RPSA2: variants seen among roughly 807,000 people sequenced by gnomAD.
RPSA2 encodes the protein ribosomal protein SA 2, also known as small ribosomal subunit protein uS2B.
the RPSA2 span, among the ~76,000 whole-genome samples, chr19:23,784,887 CTT>C: frequency 1.3e-5 from 2 of 152,202 alleles, no homozygotes; most frequent in East Asian, 1.9e-4. Flanking sequence ...TTTTGGCTCT[CTT>C]GCAAAAATTC....
the RPSA2 span, among the ~76,000 whole-genome samples, chr19:23,778,839 G>T: frequency 9.9e-5 from 15 of 151,792 alleles, no homozygotes; most frequent in African/African-American, 3.4e-4. Context: ...CAATTTGGGC[G>T]ACTGTGTCAT....
chr19:23,840,641 G>C, the RPSA2 span, among the ~76,000 whole-genome samples: 3 of 152,134 alleles, frequency 2.0e-5, no homozygotes, highest in African/African-American at 7.2e-5. Context: ...TAAAGAGAGA[G>C]TATTTAGATA....
the RPSA2 span, among the ~76,000 whole-genome samples, chr19:23,857,462 A>G: frequency 2.4e-4 from 33 of 137,588 alleles, 1 homozygote; most frequent in Admixed American, 2.3e-3. Flanking sequence ...TTTAAAATCT[A>G]TATTTTGAAG....
chr19:23,830,978 G>A, the RPSA2 span, among the ~76,000 whole-genome samples: 9 of 152,064 alleles, frequency 5.9e-5, no homozygotes, highest in South Asian at 2.1e-4. Flanking sequence ...CTTAGGATAT[G>A]TGCTGTCTGA....
At chr19:23,847,405 A>G in the RPSA2 span, among the ~76,000 whole-genome samples, 1 of 152,210 alleles carries the variant, frequency 6.6e-6, no homozygotes. Context: ...AAAGAGAAAG[A>G]GTACAAAGAG....
At chr19:23,866,813 A>T in the RPSA2 span, among the ~76,000 whole-genome samples, 1 of 152,108 alleles carries the variant, frequency 6.6e-6, no homozygotes, top group Non-Finnish European at 1.5e-5. Flanking sequence ...GGAGAAGACA[A>T]ACCTTCCAAA....
chr19:23,842,335 A>C, the RPSA2 span, among the ~76,000 whole-genome samples: 9 of 152,236 alleles, frequency 5.9e-5, no homozygotes, highest in Non-Finnish European at 1.2e-4. Flanking sequence ...AAACTATAGT[A>C]ATTACACTGG....
At chr19:23,862,016 A>T in the RPSA2 span, among the ~76,000 whole-genome samples, 1 of 151,972 alleles carries the variant, frequency 6.6e-6, no homozygotes, top group Non-Finnish European at 1.5e-5. Flanking sequence ...TGAGCATGGA[A>T]TGTTCTTCCA....
the RPSA2 span, among the ~76,000 whole-genome samples, chr19:23,867,328 C>T: frequency 2.6e-5 from 4 of 152,200 alleles, no homozygotes. Context: ...GATGGACAAT[C>T]ATGTACTTTC....
At chr19:23,868,949 C>T in the RPSA2 span, among the ~76,000 whole-genome samples, 6 of 152,102 alleles carry the variant, frequency 3.9e-5, no homozygotes, top group South Asian at 8.3e-4. Flanking sequence ...GGGGGACACT[C>T]AAGAAAACCA....
chr19:23,811,822 T>C, the RPSA2 span, among the ~76,000 whole-genome samples: 7 of 86,930 alleles, frequency 8.1e-5, no homozygotes, highest in Non-Finnish European at 1.6e-4. Flanking sequence ...TAAGGTATTA[T>C]TTGCTTCTAT....
At chr19:23,847,236 C>T in the RPSA2 span, among the ~76,000 whole-genome samples, 5 of 151,176 alleles carry the variant, frequency 3.3e-5, no homozygotes, top group African/African-American at 2.4e-5. Context: ...GGATGTCTAT[C>T]TCCTTGGCAC....
At chr19:23,836,482 T>C in the RPSA2 span, among the ~76,000 whole-genome samples, 3 of 152,310 alleles carry the variant, frequency 2.0e-5, no homozygotes, top group South Asian at 6.2e-4. Context: ...GAAATATGCA[T>C]GTGCAAGTAT....
chr19:23,833,728 G>A, the RPSA2 span, among the ~76,000 whole-genome samples: 1 of 152,062 alleles, frequency 6.6e-6, no homozygotes. Flanking sequence ...GCATAAAAGT[G>A]TAATTACTGT....
At chr19:23,865,284 GT>G in the RPSA2 span, among the ~76,000 whole-genome samples, 1 of 152,184 alleles carries the variant, frequency 6.6e-6, no homozygotes, top group Admixed American at 6.5e-5. Flanking sequence ...GCCTAAAGTT[GT>G]GTTGAAACAG....
At chr19:23,813,424 T>C in the RPSA2 span, among the ~76,000 whole-genome samples, 1 of 152,054 alleles carries the variant, frequency 6.6e-6, no homozygotes, top group Non-Finnish European at 1.5e-5. Context: ...AGTGTGACTA[T>C]TTTATATATC....
the RPSA2 span, among the ~76,000 whole-genome samples, chr19:23,869,020 C>G: frequency 3.9e-5 from 6 of 152,182 alleles, no homozygotes; most frequent in Admixed American, 2.0e-4. Flanking sequence ...ATTCCATGTT[C>G]TTGGCCATGT....
the RPSA2 span, among the ~76,000 whole-genome samples, chr19:23,815,372 G>T: frequency 1.2e-4 from 10 of 83,768 alleles, no homozygotes; most frequent in South Asian, 2.6e-3. Context: ...GGTCATGGGA[G>T]CAAAGTCTTC....
At chr19:23,851,715 A>C in the RPSA2 span, among the ~76,000 whole-genome samples, 1 of 152,228 alleles carries the variant, frequency 6.6e-6, no homozygotes, top group Non-Finnish European at 1.5e-5. Flanking sequence ...CCACATAACC[A>C]GCATTTCCGT....
Sources: gnomAD v4.1 joint callset for allele counts (sites outside exome capture counted in the v4.1 genomes callset) on GRCh38, gnomAD v4.1.1 for gene constraint, MANE v1.5 for transcripts, NCBI Gene and HGNC (gene_info 2026-07-23, HGNC 2026-07-21) for gene names.